PLCE1: variants seen among roughly 807,000 people sequenced by gnomAD.
The protein encoded by PLCE1 is phospholipase C epsilon 1.
Under a neutral mutation model 242.8 loss-of-function variants are expected in PLCE1, and 119 were observed. The ratio of observed to expected loss-of-function variants is 0.49; its 90% CI spans 0.42 to 0.57. The LOEUF (loss-of-function observed/expected upper bound fraction) is 0.57. Ranked by LOEUF, PLCE1 falls within the 20% of genes least tolerant of loss-of-function variation. The pLI is 0.00. For missense variants in PLCE1, 2,441 were observed against 2,788.8 expected (o/e 0.88, Z 2.81); for synonymous variants, 945 against 1,017.4 (o/e 0.93, Z 1.35).
At chr10:94,103,054 C>A (rs2045596451) in intron 2 of PLCE1, among the ~76,000 whole-genome samples, 1 of 152,106 alleles carries the variant, frequency 6.6e-6, no homozygotes, top group African/African-American at 2.4e-5. Flanking sequence ...ATAAACTGCC[C>A]ATCACAATCT....
intron 1 of PLCE1, among the ~76,000 whole-genome samples, chr10:94,009,093 AAG>A (rs1282262344): frequency 2.6e-5 from 4 of 152,182 alleles, no homozygotes; most frequent in African/African-American, 9.7e-5. Context: ...AAAATTTAAA[AAG>A]AGATTTTAAT....
intron 8 of PLCE1, among the ~76,000 whole-genome samples, chr10:94,250,017 A>C (rs908901164): frequency 6.6e-6 from 1 of 152,096 alleles, no homozygotes; most frequent in Admixed American, 6.5e-5. Flanking sequence ...AGATATGCCA[A>C]GAGGTAACAG....
At position 94,079,523 on chromosome 10, in the gene PLCE1, A is replaced by G. The variant is rs527757049; in HGVS notation, c.1206+47271A>G. 8.5e-5 allele frequency among the ~76,000 whole-genome samples: 13 copies of G among 152,282 alleles called. No homozygotes were observed. The South Asian group carries it at 2.7e-3, about 32-fold the overall frequency. On this transcript the variant is annotated intron_variant, in intron 2 of 32. Transcript: ENST00000371380. ...AGATGACGTGTTGTTGGGTGCAGCAAACCACCATGGCACGTGTATACCTAT... is the reference window on the plus strand; with the variant it reads ...AGATGACGTGTTGTTGGGTGCAGCAGACCACCATGGCACGTGTATACCTAT...
chr10:94,244,446 A>G (rs2050610369), intron 7 of PLCE1, among the ~76,000 whole-genome samples: 1 of 152,242 alleles, frequency 6.6e-6, no homozygotes, highest in Non-Finnish European at 1.5e-5. Flanking sequence ...ACTCTTGGGC[A>G]GGTTCCTGCC....
At chr10:94,063,434 A>T (rs2044115650) in intron 2 of PLCE1, among the ~76,000 whole-genome samples, 1 of 152,142 alleles carries the variant, frequency 6.6e-6, no homozygotes, top group African/African-American at 2.4e-5. Flanking sequence ...TGGAATATTG[A>T]CAACAGAGCC....
intron 8 of PLCE1, among the ~76,000 whole-genome samples, chr10:94,247,067 G>A (rs1028640398): frequency 2.7e-5 from 4 of 146,344 alleles, no homozygotes; most frequent in Non-Finnish European, 5.9e-5. Flanking sequence ...AGCCAAGATC[G>A]TGCCACTGCA....
chr10:94,058,273 C>G (rs2043959031), intron 2 of PLCE1, among the ~76,000 whole-genome samples: 1 of 152,132 alleles, frequency 6.6e-6, no homozygotes, highest in African/African-American at 2.4e-5. Flanking sequence ...TTTGGGGGAG[C>G]AGTGTGCAGT....
At chr10:94,252,590 T>A in intron 9 of PLCE1, 92 bp downstream of exon 9, 1 of 1,128,182 alleles carries the variant, frequency 8.9e-7, no homozygotes, top group South Asian at 1.3e-5. Context: ...GTTGTTTGGG[T>A]TGAGGACAAA....
chr10:94,264,512 A>ATTTTT (rs59860171), intron 14 of PLCE1, among the ~76,000 whole-genome samples: 8 of 73,084 alleles, frequency 1.1e-4, no homozygotes, highest in East Asian at 5.0e-4. Flanking sequence ...ACATGATTTG[A>ATTTTT]TTTTTTTTTT....
At chr10:94,086,780 G>T (rs1277143069) in intron 2 of PLCE1, among the ~76,000 whole-genome samples, 1 of 152,230 alleles carries the variant, frequency 6.6e-6, no homozygotes, top group Non-Finnish European at 1.5e-5. Context: ...TCACAGGTCT[G>T]CCTCCAGTCC....
chr10:94,291,639 A>G (rs941931355), intron 22 of PLCE1, among the ~76,000 whole-genome samples: 2 of 152,174 alleles, frequency 1.3e-5, no homozygotes, highest in East Asian at 1.9e-4. Flanking sequence ...GCAATAAAGT[A>G]TCTAGTGTGA....
At chr10:94,220,324 C>G (rs1253649756) in intron 4 of PLCE1, among the ~76,000 whole-genome samples, 1 of 140,450 alleles carries the variant, frequency 7.1e-6, no homozygotes, top group Non-Finnish European at 1.5e-5. Flanking sequence ...TCCTGGGCAA[C>G]ATAGAGAGAC....
At chr10:94,166,515 C>T (rs1408429576) in intron 3 of PLCE1, among the ~76,000 whole-genome samples, 1 of 151,846 alleles carries the variant, frequency 6.6e-6, no homozygotes, top group South Asian at 2.1e-4. Flanking sequence ...CTTCTAAAGT[C>T]AGAATCCTGT....
chr10:94,245,968 G>A lies in PLCE1; in HGVS notation c.2443G>A (p.Asp815Asn). Residue 815 changes from aspartate to asparagine, a missense_variant, in exon 8 of 33, where the codon GAT becomes AAT. Coordinates refer to ENST00000371380, the MANE Select transcript of PLCE1 (RefSeq NM_016341.4). ...AAGGTTTATAATTGGAGATTTGTTG[G>A]ATTCAGACAATGACATCTTTGAGCA... is the stretch of plus-strand genomic sequence containing the variant. ...RWQFIIGDLLDSDNDIFEQSK... is the reference protein window; with the variant it reads ...RWQFIIGDLLNSDNDIFEQSK... The A allele has an allele frequency of 6.2e-7, 1 of 1,614,048 alleles. No individual in the cohort carries two copies. Among genetic ancestry groups the A allele is most frequent in the Non-Finnish European group, 8.5e-7 (1 of 1,179,942 alleles).
chr10:94,102,673 C>T (rs2045581370), intron 2 of PLCE1, among the ~76,000 whole-genome samples: 2 of 152,208 alleles, frequency 1.3e-5, no homozygotes, highest in Admixed American at 1.3e-4. Context: ...GAACTCATGC[C>T]AGCGCCTCTC....
intron 4 of PLCE1, among the ~76,000 whole-genome samples, chr10:94,214,673 C>A (rs547859834): frequency 5.3e-5 from 8 of 152,108 alleles, no homozygotes; most frequent in Non-Finnish European, 1.2e-4. Context: ...GGCTGGTTGT[C>A]GGTCTCCTTC....
intron 3 of PLCE1, among the ~76,000 whole-genome samples, chr10:94,166,804 G>C (rs2047821036): frequency 6.6e-6 from 1 of 151,934 alleles, no homozygotes; most frequent in African/African-American, 2.4e-5. Context: ...CACCTTACAG[G>C]GTTCACTGTG....
At chr10:94,092,151 C>T (rs1376657831) in intron 2 of PLCE1, among the ~76,000 whole-genome samples, 1 of 152,012 alleles carries the variant, frequency 6.6e-6, no homozygotes, top group East Asian at 1.9e-4. Context: ...GAAAAATAGT[C>T]AATAAACCTC....
chr10:94,087,307 G>A (rs150385357), intron 2 of PLCE1, among the ~76,000 whole-genome samples: 3,088 of 133,100 alleles, frequency 0.023, 110 homozygotes, highest in African/African-American at 0.073. Context: ...CTGTGATCAC[G>A]CCACTGCACT....
Sources: allele counts gnomAD v4.1 joint callset (sites outside exome capture counted in the v4.1 genomes callset), GRCh38; gene constraint gnomAD v4.1.1; transcripts MANE v1.5; gene names NCBI Gene and HGNC (gene_info 2026-07-23, HGNC 2026-07-21).